CELSR1: variants seen among roughly 807,000 people sequenced by gnomAD.
CELSR1 encodes the protein cadherin EGF LAG seven-pass G-type receptor 1.
Under a neutral mutation model 249.1 loss-of-function variants are expected in CELSR1, and 110 were observed. The observed-to-expected ratio is 0.44, with a 90% CI of 0.38 to 0.52. The LOEUF (loss-of-function observed/expected upper bound fraction) is 0.52, where lower values mean the gene tolerates loss of function less well. CELSR1 is among the 20% of genes least tolerant of loss of function. The pLI, the probability that CELSR1 is intolerant of heterozygous loss-of-function variation, is 0.00. For synonymous variants in CELSR1, 2,113 were observed against 1,900.0 expected (o/e 1.11, Z -2.92); for missense variants, 4,109 against 4,296.4 (o/e 0.96, Z 1.22).
chr22:46,511,362 A>G (rs1569210736), intron 1 of CELSR1, among the ~76,000 whole-genome samples: 1 of 152,188 alleles, frequency 6.6e-6, no homozygotes, highest in Non-Finnish European at 1.5e-5. Flanking sequence ...ACCACAGCCC[A>G]GGGCCCCCAC....
chr22:46,385,803 G>A (rs1012419139), intron 19 of CELSR1, among the ~76,000 whole-genome samples: 14 of 150,052 alleles, frequency 9.3e-5, no homozygotes, highest in African/African-American at 2.2e-4. Context: ...TCAGCCTCCC[G>A]AGTAGCTGGG....
At position 46,365,306 on chromosome 22, in the gene CELSR1, C is replaced by G; in HGVS notation, c.8479G>C (p.Asp2827His). 6.2e-7 allele frequency: 1 copy of G among 1,612,986 alleles called. No individual in the cohort carries two copies. The highest frequency in any genetic ancestry group is 8.5e-7 in the Non-Finnish European group (1 of 1,179,962). The change falls in exon 32 of 35, where the codon GAC (aspartate) becomes CAC (histidine). Residue 2827 changes from aspartate (D) to histidine (H), a missense_variant. Physicochemically the swap from Asp to His is moderately conservative, Grantham distance 81 (BLOSUM62 -1). Coordinates refer to ENST00000674500, the MANE Select transcript of CELSR1 (RefSeq NM_001378328.1). Reference protein sequence around the residue: ...SSSYASSHSSDSEDDGVGAEE... With the variant: ...SSSYASSHSSHSEDDGVGAEE... Reference sequence around the variant, plus strand: ...GCTCCCACCCCATCGTCCTCGCTGTCTGACGAGTGTGAGGAGGCGTAAGAG... The same window carrying G: ...GCTCCCACCCCATCGTCCTCGCTGTGTGACGAGTGTGAGGAGGCGTAAGAG...
chr22:46,432,859 C>T (rs1352157506), intron 5 of CELSR1, among the ~76,000 whole-genome samples: 2 of 152,108 alleles, frequency 1.3e-5, no homozygotes, highest in Admixed American at 6.5e-5. Context: ...CTGTGTACCC[C>T]CCGACCCAGA....
At chr22:46,421,927 C>T (rs1015328816) in intron 5 of CELSR1, among the ~76,000 whole-genome samples, 4 of 152,194 alleles carry the variant, frequency 2.6e-5, no homozygotes, top group African/African-American at 9.7e-5. Flanking sequence ...CTCTTAAACA[C>T]GGAACTTCCT....
intron 2 of CELSR1, among the ~76,000 whole-genome samples, chr22:46,461,497 T>C (rs1349435724): frequency 6.6e-6 from 1 of 152,206 alleles, no homozygotes; most frequent in Non-Finnish European, 1.5e-5. Context: ...TCCTGCAGCC[T>C]GGACTGGCGG....
At chr22:46,384,425 T>G in intron 20 of CELSR1, 118 bp downstream of exon 20, 2 of 1,243,924 alleles carry the variant, frequency 1.6e-6, no homozygotes, top group Non-Finnish European at 2.1e-6. Context: ...CAGAGAGCAC[T>G]CGGAACACTC....
chr22:46,441,152 C>CAAA lies in CELSR1; in HGVS notation c.4184-1744_4184-1742dup, dbSNP rs553328237. 9.4e-6 allele frequency among the ~76,000 whole-genome samples: 1 copy of CAAA among 106,512 alleles called. No individual in the cohort carries two copies. 69.9% of individuals were successfully genotyped at this position (106,512 alleles called of 152,430 possible). ...TAGGTGCCAGAGCGAGACTTCATTT[C>CAAA]AAAAAAAAAAAAAAAAGAGAGACTG... On this transcript the variant is annotated intron_variant, in intron 2 of 34. Coordinates refer to ENST00000674500, the MANE Select transcript of CELSR1 (RefSeq NM_001378328.1). The surrounding 1 kb of genome is among the most constrained non-coding windows in gnomAD (Gnocchi z 6.1).
chr22:46,397,277 C>CTTTTTTTTTTT (rs528088887), intron 12 of CELSR1, among the ~76,000 whole-genome samples: 2 of 78,746 alleles, frequency 2.5e-5, no homozygotes, highest in Non-Finnish European at 4.8e-5. Context: ...CTAATTTTTG[C>CTTTTTTTTTTT]TTTTTTTTTT....
chr22:46,422,211 T>G (rs2079482126), intron 5 of CELSR1, among the ~76,000 whole-genome samples: 1 of 151,990 alleles, frequency 6.6e-6, no homozygotes, highest in Non-Finnish European at 1.5e-5. Context: ...GTTCAAGAGA[T>G]TCTCCTGCCT....
At chr22:46,498,518 C>T (rs2080436805) in intron 1 of CELSR1, among the ~76,000 whole-genome samples, 1 of 150,718 alleles carries the variant, frequency 6.6e-6, no homozygotes, top group Non-Finnish European at 1.5e-5. Flanking sequence ...GAGGCTGAGG[C>T]AGGAGAGTCA....
rs879655408 is a variant in CELSR1, at chr22:46,396,546, G to C, written c.5843+59C>G. ...AATAAGAAAGAGAAGACACTGAGTCGAGGGAACACAGCCACATGGACTCTG... is the reference window on the plus strand; with the variant it reads ...AATAAGAAAGAGAAGACACTGAGTCCAGGGAACACAGCCACATGGACTCTG... On this transcript the variant is annotated intron_variant, in intron 13 of 34. Transcript: ENST00000674500. The surrounding 1 kb of genome is among the most constrained non-coding windows in gnomAD (Gnocchi z 6.4). 1 of 1,425,288 alleles carries C rather than the reference G, an allele frequency of 7.0e-7. No homozygotes were observed. The highest frequency in any genetic ancestry group is 9.2e-7 in the Non-Finnish European group (1 of 1,085,232). The allele number at this position is 1,425,288 out of a possible 1,614,324, so 88.3% of individuals were successfully genotyped here.
At chr22:46,530,157 TA>T (rs1244111752) in intron 1 of CELSR1, among the ~76,000 whole-genome samples, 2 of 150,222 alleles carry the variant, frequency 1.3e-5, no homozygotes, top group South Asian at 2.1e-4. Flanking sequence ...TACAAATAAT[TA>T]AAAAAAAAAT....
At chr22:46,376,898 C>A (rs570913755) in intron 24 of CELSR1, among the ~76,000 whole-genome samples, 163 bp downstream of exon 24, 3 of 152,170 alleles carry the variant, frequency 2.0e-5, no homozygotes, top group Admixed American at 2.0e-4. Flanking sequence ...ACATCTCCAC[C>A]CACAGCCTGT....
Position 46,534,508 on chromosome 22 carries a change from T to C in CELSR1, c.2663A>G (p.Asn888Ser). 1 of 1,613,340 alleles carries C rather than the reference T, an allele frequency of 6.2e-7. No homozygotes were observed. The highest frequency in any genetic ancestry group is 8.5e-7 in the Non-Finnish European group (1 of 1,180,004). ...GAAATCCCACAGGAACTGGGGTGCA[T>C]TGTCATTGGCATCGAGGATGAGGAT... The part of the protein sequence containing the change: ...LEILILDAND[N>S]APQFLWDFYQ... Residue 888 changes from asparagine to serine, a missense_variant, in exon 1 of 35, where the codon AAT (asparagine) becomes AGT (serine). By Grantham distance (46) the Asn-to-Ser change is conservative. This residue lies in a region of CELSR1 where 886 missense variants were observed against 896.5 expected (regional missense o/e 0.99). Transcript: ENST00000674500. The surrounding 1 kb of genome is among the most constrained non-coding windows in gnomAD (Gnocchi z 9.7).
intron 1 of CELSR1, among the ~76,000 whole-genome samples, chr22:46,531,745 C>A (rs563434524): frequency 6.6e-6 from 1 of 152,220 alleles, no homozygotes; most frequent in East Asian, 1.9e-4. Flanking sequence ...ACTCAGCTCC[C>A]GGTTACCAGG....
At position 46,367,774 on chromosome 22, in the gene CELSR1, A is replaced by G. The variant is rs7285515; in HGVS notation, c.8034T>C (p.Asp2678=). The part of the protein sequence containing the change: ...WLLGLLAVNR[D]ALSFHYLFAI... ...CGAAGAGGTAGTGAAAGCTCAGTGC[A>G]TCGCGGTTCACAGCCAGCAGCCCCA... Residue 2678 remains aspartate, a synonymous_variant, in exon 28 of 35, where the codon GAT becomes GAC. Transcript: ENST00000674500. The G allele has an allele frequency of 0.14, 229,021 of 1,609,682 alleles. 25,454 individuals carry two copies. The highest frequency in any genetic ancestry group is 0.59 in the African/African-American group (44,124 of 74,968).
chr22:46,493,822 T>A (rs1488979943), intron 1 of CELSR1, among the ~76,000 whole-genome samples: 1 of 152,126 alleles, frequency 6.6e-6, no homozygotes, highest in Non-Finnish European at 1.5e-5. Context: ...CTCCTTTGCT[T>A]TCCACCATGA....
intron 2 of CELSR1, among the ~76,000 whole-genome samples, chr22:46,457,107 G>T (rs935279934): frequency 3.3e-5 from 5 of 152,242 alleles, no homozygotes; most frequent in African/African-American, 1.2e-4. Flanking sequence ...AGCACTTTGG[G>T]AGGCCGAGGC....
At chr22:46,455,315 C>T (rs987187417) in intron 2 of CELSR1, among the ~76,000 whole-genome samples, 6 of 152,252 alleles carry the variant, frequency 3.9e-5, no homozygotes, top group African/African-American at 7.2e-5. Context: ...CTGTAACCTC[C>T]GCCTCCCAGG....
Sources: allele counts gnomAD v4.1 joint callset (sites outside exome capture counted in the v4.1 genomes callset), GRCh38; gene constraint gnomAD v4.1.1; regional missense constraint gnomAD v4.1.1; non-coding constraint Gnocchi (gnomAD v3.1); transcripts MANE v1.5; gene names NCBI Gene and HGNC (gene_info 2026-07-23, HGNC 2026-07-21).